ABCD2: variants seen among roughly 807,000 people sequenced by gnomAD.
The protein encoded by ABCD2 is ATP binding cassette subfamily D member 2, also known as ATP-binding cassette sub-family D member 2.
ABCD2 carries 36 observed loss-of-function variants against 70.9 expected under a neutral mutation model. The ratio of observed to expected loss-of-function variants is 0.51; its 90% CI spans 0.39 to 0.67. ABCD2 has a LOEUF of 0.67. Among genes scored for constraint, ABCD2 ranks in the 30% least tolerant of loss-of-function variants. The pLI, the probability that ABCD2 is intolerant of heterozygous loss-of-function variation, is 0.00. For missense variants in ABCD2, 729 were observed against 890.2 expected (o/e 0.82, Z 2.30); for synonymous variants, 304 against 306.9 (o/e 0.99, Z 0.10).
intron 6 of ABCD2, among the ~76,000 whole-genome samples, chr12:39,587,476 C>T (rs1273111861): frequency 6.6e-6 from 1 of 152,120 alleles, no homozygotes; most frequent in African/African-American, 2.4e-5. Context: ...ATAATTGTCT[C>T]CAGATAATGC....
At chr12:39,561,484 T>C (rs1941258196) in intron 9 of ABCD2, among the ~76,000 whole-genome samples, 1 of 150,196 alleles carries the variant, frequency 6.7e-6, no homozygotes, top group South Asian at 2.1e-4. Context: ...GCAAGGACAA[T>C]ATAGACTAAA....
the ABCD2 span, among the ~76,000 whole-genome samples, chr12:39,534,714 G>GGAAGGAAGGAAGGAAGGAAAA: frequency 7.3e-6 from 1 of 136,490 alleles, no homozygotes; most frequent in African/African-American, 2.8e-5. Context: ...AAGGAAGGAA[G>GGAAGGAAGGAAGGAAGGAAAA]GAAGGAAGGA....
At chr12:39,592,072 T>C (rs551136407) in intron 6 of ABCD2, among the ~76,000 whole-genome samples, 2 of 152,158 alleles carry the variant, frequency 1.3e-5, no homozygotes, top group Admixed American at 6.5e-5. Flanking sequence ...TTAAAAAAAC[T>C]GAACTGTACC....
chr12:39,610,352 T>C (rs1358396480), intron 2 of ABCD2, among the ~76,000 whole-genome samples: 1 of 151,976 alleles, frequency 6.6e-6, no homozygotes, highest in Non-Finnish European at 1.5e-5. Flanking sequence ...TTAGTTTACC[T>C]AAAGAAGGAA....
At chr12:39,603,852 C>T in intron 5 of ABCD2, 60 bp downstream of exon 5, 4 of 1,269,028 alleles carry the variant, frequency 3.2e-6, no homozygotes, top group Non-Finnish European at 4.6e-6. Flanking sequence ...TACATGAATT[C>T]TGAGTTGTTT....
intron 9 of ABCD2, 105 bp from the exon 10 acceptor site, chr12:39,554,236 G>T: frequency 9.3e-7 from 1 of 1,079,096 alleles, no homozygotes; most frequent in Non-Finnish European, 1.3e-6. Context: ...TTTTAAGTAG[G>T]TGCTATTTTA....
chr12:39,544,894 CA>C, the ABCD2 span, among the ~76,000 whole-genome samples: 1 of 152,140 alleles, frequency 6.6e-6, no homozygotes, highest in Non-Finnish European at 1.5e-5. Flanking sequence ...TTTAAGTGAA[CA>C]GCCTACTGTA....
At chr12:39,558,670 C>T (rs558241841) in intron 9 of ABCD2, among the ~76,000 whole-genome samples, 1 of 152,206 alleles carries the variant, frequency 6.6e-6, no homozygotes, top group Admixed American at 6.5e-5. Context: ...GCTTTGCTTC[C>T]CCCTCACCTT....
chr12:39,612,316 A>G (rs932765092), intron 2 of ABCD2, among the ~76,000 whole-genome samples: 5 of 152,196 alleles, frequency 3.3e-5, no homozygotes. Flanking sequence ...AGCAAACTGG[A>G]TACAATCTAA....
At chr12:39,577,508 G>A (rs1336671068) in intron 8 of ABCD2, among the ~76,000 whole-genome samples, 1 of 152,136 alleles carries the variant, frequency 6.6e-6, no homozygotes, top group African/African-American at 2.4e-5. Flanking sequence ...AAAGGTAGGT[G>A]GGGCCTGGGA....
chr12:39,543,657 A>G, the ABCD2 span, among the ~76,000 whole-genome samples: 2 of 152,204 alleles, frequency 1.3e-5, no homozygotes, highest in Non-Finnish European at 2.9e-5. Flanking sequence ...CAAAGAGAGA[A>G]AGTCCATACA....
chr12:39,606,240 A>G (rs1941967586), intron 3 of ABCD2, among the ~76,000 whole-genome samples: 1 of 152,174 alleles, frequency 6.6e-6, no homozygotes, highest in Non-Finnish European at 1.5e-5. Flanking sequence ...GTGCCGGTAG[A>G]CAAATTACTC....
chr12:39,573,551 A>G (rs1488107931), intron 9 of ABCD2, among the ~76,000 whole-genome samples, 165 bp downstream of exon 9: 1 of 152,160 alleles, frequency 6.6e-6, no homozygotes, highest in Non-Finnish European at 1.5e-5. Flanking sequence ...TACACTAATG[A>G]TATTAGGTAG....
chr12:39,564,407 T>G (rs76962441), intron 9 of ABCD2, among the ~76,000 whole-genome samples: 2 of 152,228 alleles, frequency 1.3e-5, no homozygotes, highest in South Asian at 2.1e-4. Context: ...TCATGTGTCT[T>G]TTGGCTGCAT....
chr12:39,540,607 T>C, the ABCD2 span, among the ~76,000 whole-genome samples: 4 of 152,204 alleles, frequency 2.6e-5, no homozygotes, highest in African/African-American at 4.8e-5. Context: ...TTTTTTAAAG[T>C]TCAGAATAGG....
chr12:39,566,079 T>C (rs1941341940), intron 9 of ABCD2, among the ~76,000 whole-genome samples: 1 of 152,176 alleles, frequency 6.6e-6, no homozygotes. Context: ...GGGATATTGG[T>C]CTAAAATTCT....
chr12:39,531,416 A>C, the ABCD2 span, among the ~76,000 whole-genome samples: 1 of 152,190 alleles, frequency 6.6e-6, no homozygotes, highest in African/African-American at 2.4e-5. Flanking sequence ...GCTTGAGGGA[A>C]CTTGTTAGAC....
downstream of ABCD2, among the ~76,000 whole-genome samples, chr12:39,549,396 A>G (rs1288710912): frequency 6.6e-6 from 1 of 151,948 alleles, no homozygotes; most frequent in Non-Finnish European, 1.5e-5. Context: ...TAATATTGAT[A>G]TAGTAAAATA....
At chr12:39,612,894 T>G (rs1210788626) in intron 2 of ABCD2, among the ~76,000 whole-genome samples, 1 of 152,202 alleles carries the variant, frequency 6.6e-6, no homozygotes, top group East Asian at 1.9e-4. Context: ...CAGTTACTCC[T>G]GATATCCTGC....
Sources: gnomAD v4.1 joint callset for allele counts (sites outside exome capture counted in the v4.1 genomes callset) on GRCh38, gnomAD v4.1.1 for gene constraint, MANE v1.5 for transcripts, NCBI Gene and HGNC (gene_info 2026-07-23, HGNC 2026-07-21) for gene names.